EBF2: variants seen among roughly 807,000 people sequenced by gnomAD.
EBF2 encodes the protein EBF transcription factor 2, also known as transcription factor COE2.
In EBF2, 21 loss-of-function variants were observed where a neutral mutation model predicts 72.8. The observed-to-expected ratio is 0.29, with a 90% CI of 0.20 to 0.42. EBF2 has a LOEUF of 0.42. Ranked by LOEUF, EBF2 falls within the 10% of genes least tolerant of loss-of-function variation. The pLI is 1.00. For missense variants in EBF2, 637 were observed against 731.2 expected, an observed-to-expected ratio of 0.87 and a Z score of 1.49; for synonymous variants, 299 against 274.2, an observed-to-expected ratio of 1.09 and a Z score of -0.89.
chr8:25,886,051 C>A (rs1802685290), intron 10 of EBF2, among the ~76,000 whole-genome samples: 1 of 152,186 alleles, frequency 6.6e-6, no homozygotes, highest in Non-Finnish European at 1.5e-5. Context: ...CAAATTTTCC[C>A]TGTCCGTAAA....
chr8:26,032,901 C>A, intron 6 of EBF2, 184 bp downstream of exon 6: 1 of 594,768 alleles, frequency 1.7e-6, no homozygotes. Flanking sequence ...GACACGTGTT[C>A]CAAAGGAAGA....
chr8:25,936,353 A>G (rs1341132966), intron 6 of EBF2, among the ~76,000 whole-genome samples: 1 of 152,206 alleles, frequency 6.6e-6, no homozygotes, highest in African/African-American at 2.4e-5. Context: ...TGCAGTTCTA[A>G]GGCAAACAGG....
At position 26,013,208 on chromosome 8, in the gene EBF2, T is replaced by C. The variant is rs1051735078; in HGVS notation, c.551+19877A>G. Among the ~76,000 whole-genome samples the C allele has an allele frequency of 2.6e-5, 4 of 152,340 alleles. No individual in the cohort carries two copies. The East Asian group carries it at 7.7e-4, about 29-fold the overall frequency. ...TTCCAGTTAATAGATGTGAATTAACTGATGACGATGACGTCCCCATTAGTT... is the reference window on the plus strand; with the variant it reads ...TTCCAGTTAATAGATGTGAATTAACCGATGACGATGACGTCCCCATTAGTT... On this transcript the variant is annotated intron_variant, in intron 6 of 15. Coordinates refer to ENST00000520164, the MANE Select transcript of EBF2 (RefSeq NM_022659.4).
chr8:25,971,403 C>T (rs1211852994), intron 6 of EBF2, among the ~76,000 whole-genome samples: 1 of 152,108 alleles, frequency 6.6e-6, no homozygotes, highest in Non-Finnish European at 1.5e-5. Context: ...AAGGTGGCAG[C>T]GGGAACAAGA....
chr8:26,044,997 GAAAA>G lies in EBF2; in HGVS notation c.-142_-139del. On this transcript the variant is annotated 5_prime_UTR_variant, in exon 1 of 16. Coordinates refer to ENST00000520164, the MANE Select transcript of EBF2 (RefSeq NM_022659.4). The surrounding 1 kb of genome is among the most constrained non-coding windows in gnomAD (Gnocchi z 4.1). ...ATCAAGTGCCCAAGTTTGAGTCTTAGAAAAAAAAAAAAGATAACCCGTCCTTTGC... is the reference window on the plus strand; with the variant it reads ...ATCAAGTGCCCAAGTTTGAGTCTTAGAAAAAAAAGATAACCCGTCCTTTGC... 3 of 653,576 alleles carry G rather than the reference GAAAA, an allele frequency of 4.6e-6. No individual in the cohort carries two copies. Among genetic ancestry groups the G allele is most frequent in the Non-Finnish European group, 6.9e-6 (3 of 436,790 alleles). 40.5% of individuals were successfully genotyped at this position (653,576 alleles called of 1,614,324 possible). A position where few individuals can be genotyped will look rare whatever the true frequency, so the allele number is the denominator to read the frequency against.
At chr8:25,900,628 G>C (rs913046727) in intron 7 of EBF2, among the ~76,000 whole-genome samples, 1 of 152,034 alleles carries the variant, frequency 6.6e-6, no homozygotes, top group African/African-American at 2.4e-5. Flanking sequence ...GAGTAATTTA[G>C]GGGGTAAATT....
chr8:25,940,614 A>G, intron 6 of EBF2, among the ~76,000 whole-genome samples: 1 of 43,986 alleles, frequency 2.3e-5, no homozygotes, highest in Non-Finnish European at 5.6e-5. Context: ...AATAAAAATG[A>G]AAAAATTAAA....
At chr8:26,041,900 G>A (rs540155564) in intron 2 of EBF2, among the ~76,000 whole-genome samples, 195 bp downstream of exon 2, 1 of 152,314 alleles carries the variant, frequency 6.6e-6, no homozygotes, top group African/African-American at 2.4e-5. Context: ...CGCTCCTCCA[G>A]CTCCAGGTTG....
intron 5 of EBF2, 117 bp from the exon 6 acceptor site, chr8:26,033,270 G>T: frequency 1.1e-6 from 1 of 945,836 alleles, no homozygotes; most frequent in Non-Finnish European, 1.7e-6. Flanking sequence ...TCACCAGGCT[G>T]TAGTACAATG....
chr8:26,036,837 C>A (rs547906843), intron 5 of EBF2, among the ~76,000 whole-genome samples: 1 of 152,004 alleles, frequency 6.6e-6, no homozygotes, highest in East Asian at 1.9e-4. Flanking sequence ...TATTCTCCAA[C>A]AAGCAAGTCT....
At chr8:26,014,994 A>G (rs1400138431) in intron 6 of EBF2, among the ~76,000 whole-genome samples, 7 of 152,228 alleles carry the variant, frequency 4.6e-5, no homozygotes, top group South Asian at 2.1e-4. Context: ...AAGATAGCAA[A>G]TGTCAGGGTA....
At chr8:26,012,658 T>C (rs897797907) in intron 6 of EBF2, among the ~76,000 whole-genome samples, 1 of 152,240 alleles carries the variant, frequency 6.6e-6, no homozygotes, top group Non-Finnish European at 1.5e-5. Context: ...TACCATTTTA[T>C]GCATGTATGC....
At chr8:25,892,759 T>C (rs1370621595) in intron 7 of EBF2, among the ~76,000 whole-genome samples, 1 of 152,172 alleles carries the variant, frequency 6.6e-6, no homozygotes, top group African/African-American at 2.4e-5. Context: ...CAACAGATAA[T>C]TCACTGTGTT....
At chr8:25,901,188 C>T (rs891296095) in intron 7 of EBF2, among the ~76,000 whole-genome samples, 6 of 152,050 alleles carry the variant, frequency 3.9e-5, no homozygotes, top group African/African-American at 1.2e-4. Flanking sequence ...GAGGTTGAGA[C>T]GGGTGGGTGA....
In EBF2 at chr8:25,850,698, G is replaced by C; in HGVS notation, c.1592C>G (p.Ser531Ter). 6.4e-7 allele frequency: 1 copy of C among 1,560,946 alleles called. No individual in the cohort carries two copies. Among genetic ancestry groups the C allele is most frequent in the Non-Finnish European group, 8.6e-7 (1 of 1,162,058 alleles). The change falls in exon 15 of 16, where the codon TCA (serine) becomes TGA (stop). Residue 531 changes from serine to a stop codon, truncating the protein, a stop_gained. Coordinates refer to ENST00000520164, the MANE Select transcript of EBF2 (RefSeq NM_022659.4). LOFTEE classifies it high-confidence loss of function. ...STSSILPFSS[S>*]VFPAVKQKSA... is the part of the protein sequence containing the mutation. ...CTTCTGTTTGACAGCAGGAAAAACT[G>C]AAGAGGAAAATGGGAGGATGGAGGA...
At chr8:25,977,102 A>T (rs1804280315) in intron 6 of EBF2, among the ~76,000 whole-genome samples, 1 of 152,128 alleles carries the variant, frequency 6.6e-6, no homozygotes, top group African/African-American at 2.4e-5. Context: ...CTGATTAGGG[A>T]ATACAGCAGA....
At chr8:25,852,243 A>C (rs944926760) in intron 14 of EBF2, among the ~76,000 whole-genome samples, 2 of 152,172 alleles carry the variant, frequency 1.3e-5, no homozygotes, top group Non-Finnish European at 2.9e-5. Context: ...AAGCATGAGG[A>C]GTGGGTCTTA....
Position 25,912,499 on chromosome 8 carries a change from A to ACACAC in EBF2, c.552-3945_552-3944insGTGTG, listed in dbSNP as rs1375819188. ...ACACACACACACACACACACACACA[A>ACACAC]CAGGAAGAATAAATCAGGAGAAAAA... is the stretch of plus-strand genomic sequence containing the variant. On this transcript the variant is annotated intron_variant, in intron 6 of 15. Transcript: ENST00000520164. Among the ~76,000 whole-genome samples, 9 of 72,920 alleles carry ACACAC rather than the reference A, an allele frequency of 1.2e-4. No homozygotes were observed. In the East Asian group the frequency reaches 2.7e-3, roughly 22 times the overall value. The allele number at this position is 72,920 out of a possible 152,430, so 47.8% of individuals were successfully genotyped here. A position where few individuals can be genotyped will look rare whatever the true frequency, so the allele number is the denominator to read the frequency against.
chr8:25,954,136 G>C (rs879849262), intron 6 of EBF2, among the ~76,000 whole-genome samples: 6 of 152,184 alleles, frequency 3.9e-5, no homozygotes, highest in African/African-American at 1.2e-4. Flanking sequence ...ATGTTAGCTC[G>C]AACTAGCTAT....
Sources: allele counts gnomAD v4.1 joint callset (sites outside exome capture counted in the v4.1 genomes callset), GRCh38; gene constraint gnomAD v4.1.1; non-coding constraint Gnocchi (gnomAD v3.1); transcripts MANE v1.5; gene names NCBI Gene and HGNC (gene_info 2026-07-23, HGNC 2026-07-21).